Variants in PRMT3 observed in about 807,000 individuals in gnomAD.
PRMT3 encodes protein arginine N-methyltransferase 3.
In PRMT3, 62 loss-of-function variants were observed where a neutral mutation model predicts 71.9. That is an observed-to-expected ratio of 0.86 (90% confidence interval 0.70 to 1.07). The LOEUF (loss-of-function observed/expected upper bound fraction) is 1.07. Among genes scored for constraint, PRMT3 ranks in the 50% least tolerant of loss-of-function variants. The pLI is 0.00. For synonymous variants in PRMT3, 213 were observed against 220.4 expected (o/e 0.97, Z 0.30); for missense variants, 663 against 643.0 (o/e 1.03, Z -0.34).
At chr11:20,489,464 A>G (rs2133447208) in intron 13 of PRMT3, among the ~76,000 whole-genome samples, 1 of 152,272 alleles carries the variant, frequency 6.6e-6, no homozygotes, top group Admixed American at 6.5e-5. Flanking sequence ...GCCATTGCCT[A>G]TTAGTCATTA....
chr11:20,490,718 A>G (rs1851185767), intron 13 of PRMT3, among the ~76,000 whole-genome samples: 1 of 152,248 alleles, frequency 6.6e-6, no homozygotes, highest in Non-Finnish European at 1.5e-5. Flanking sequence ...AATTACAGAA[A>G]GATGAGAGGC....
chr11:20,412,942 G>T (rs933540703), intron 9 of PRMT3, among the ~76,000 whole-genome samples: 3 of 152,098 alleles, frequency 2.0e-5, no homozygotes, highest in Non-Finnish European at 4.4e-5. Flanking sequence ...TGTTTCTATA[G>T]TGGGGTCAGA....
At chr11:20,413,426 G>A (rs1849236873) in intron 9 of PRMT3, among the ~76,000 whole-genome samples, 1 of 152,072 alleles carries the variant, frequency 6.6e-6, no homozygotes, top group South Asian at 2.1e-4. Flanking sequence ...ACCCCTTTAA[G>A]CCCTGATTTC....
intron 10 of PRMT3, among the ~76,000 whole-genome samples, chr11:20,442,581 C>A (rs1489401219): frequency 2.0e-5 from 3 of 152,048 alleles, no homozygotes; most frequent in African/African-American, 7.2e-5. Flanking sequence ...AATTAAAATT[C>A]TTTCTCAGAA....
chr11:20,477,598 TG>T (rs1400377731), intron 13 of PRMT3, among the ~76,000 whole-genome samples: 2 of 152,106 alleles, frequency 1.3e-5, no homozygotes, highest in African/African-American at 4.8e-5. Context: ...GTGAGTCATC[TG>T]TTCTTGACGG....
At chr11:20,496,887 A>G (rs762926941) in intron 15 of PRMT3, among the ~76,000 whole-genome samples, 2 of 152,218 alleles carry the variant, frequency 1.3e-5, no homozygotes, top group African/African-American at 4.8e-5. Context: ...TGCAAGTGAT[A>G]TGGAAATAAA....
At chr11:20,441,891 C>T (rs894519006) in intron 10 of PRMT3, among the ~76,000 whole-genome samples, 1 of 148,210 alleles carries the variant, frequency 6.7e-6, no homozygotes, top group Non-Finnish European at 1.5e-5. Context: ...CCCCCAGGTT[C>T]CAGTGATTCT....
At chr11:20,483,169 G>A (rs944157779) in intron 13 of PRMT3, among the ~76,000 whole-genome samples, 1 of 151,964 alleles carries the variant, frequency 6.6e-6, no homozygotes, top group Admixed American at 6.6e-5. Context: ...GTAGAACTTG[G>A]TCACCTAGAC....
intron 15 of PRMT3, among the ~76,000 whole-genome samples, chr11:20,507,063 G>C (rs1851607975): frequency 6.6e-6 from 1 of 152,116 alleles, no homozygotes; most frequent in Non-Finnish European, 1.5e-5. Context: ...ATAATTTTCA[G>C]TTCCTCAAAA....
chr11:20,468,557 C>T (rs1850568544), intron 13 of PRMT3, among the ~76,000 whole-genome samples: 7 of 152,058 alleles, frequency 4.6e-5, no homozygotes, highest in Admixed American at 4.6e-4. Flanking sequence ...TTAGTAGAGA[C>T]AGGGTTTCAC....
At position 20,397,790 on chromosome 11, in the gene PRMT3, A is replaced by T. The variant is rs562267726; in HGVS notation, c.705+69A>T. 51 of 1,536,240 alleles carry T rather than the reference A, an allele frequency of 3.3e-5. No homozygotes were observed. The East Asian group carries it at 1.2e-3, about 35-fold the overall frequency. ...AATAGAACAGGTTCTTTCTTAATAT[A>T]TGTGTGCACTATAGGAGACCTCTTT... On this transcript the variant is annotated intron_variant, in intron 7 of 15. Coordinates refer to ENST00000331079, the MANE Select transcript of PRMT3 (RefSeq NM_005788.4).
intron 13 of PRMT3, among the ~76,000 whole-genome samples, chr11:20,476,214 G>A (rs1025782376): frequency 1.7e-4 from 26 of 151,748 alleles, no homozygotes; most frequent in African/African-American, 3.4e-4. Flanking sequence ...TTAGCCAGGC[G>A]TGATGGCAGG....
intron 10 of PRMT3, among the ~76,000 whole-genome samples, chr11:20,439,484 A>C (rs890819822): frequency 6.6e-6 from 1 of 152,160 alleles, no homozygotes; most frequent in Non-Finnish European, 1.5e-5. Flanking sequence ...ACATAGTTGT[A>C]TATTTCATTG....
chr11:20,404,218 T>TTTTGTTTTTG (rs1849016649), intron 8 of PRMT3, among the ~76,000 whole-genome samples: 3 of 4,686 alleles, frequency 6.4e-4, no homozygotes, highest in Non-Finnish European at 1.8e-3. Flanking sequence ...ATAGTTTTTT[T>TTTTGTTTTTG]TTTTTTTTTT....
intron 9 of PRMT3, among the ~76,000 whole-genome samples, chr11:20,426,552 T>TA (rs879931905): frequency 6.6e-6 from 1 of 152,224 alleles, no homozygotes; most frequent in Non-Finnish European, 1.5e-5. Flanking sequence ...AGATTTTAAA[T>TA]ATTGGTTCAC....
At chr11:20,505,221 T>C (rs935526587) in intron 15 of PRMT3, among the ~76,000 whole-genome samples, 1 of 152,172 alleles carries the variant, frequency 6.6e-6, no homozygotes, top group Non-Finnish European at 1.5e-5. Context: ...AGTATGCAAA[T>C]GAAAACTTTA....
chr11:20,425,918 T>G (rs1260481302), intron 9 of PRMT3, among the ~76,000 whole-genome samples: 2 of 152,242 alleles, frequency 1.3e-5, no homozygotes, highest in African/African-American at 4.8e-5. Flanking sequence ...GGGTACAATT[T>G]CTTCTTTGAT....
chr11:20,504,707 T>TGTGAGAGAGAGAGAGAGAGAGAGAGA (rs1332372470), intron 15 of PRMT3, among the ~76,000 whole-genome samples: 15 of 133,640 alleles, frequency 1.1e-4, no homozygotes, highest in African/African-American at 4.5e-4. Flanking sequence ...TGTGTGTGTG[T>TGTGAGAGAGAGAGAGAGAGAGAGAGA]GAGAGAGAGA....
chr11:20,404,914 A>G (rs1201916883), intron 8 of PRMT3, among the ~76,000 whole-genome samples: 1 of 152,198 alleles, frequency 6.6e-6, no homozygotes, highest in Non-Finnish European at 1.5e-5. Flanking sequence ...GGAATACCAG[A>G]GGAGCTTGTT....
Sources: gnomAD v4.1 joint callset for allele counts (sites outside exome capture counted in the v4.1 genomes callset) on GRCh38, gnomAD v4.1.1 for gene constraint, MANE v1.5 for transcripts, NCBI Gene and HGNC (gene_info 2026-07-23, HGNC 2026-07-21) for gene names.